Variants in DLC1 observed in about 807,000 individuals in gnomAD.
The protein encoded by DLC1 is rho GTPase-activating protein 7.
Under a neutral mutation model 140.3 loss-of-function variants are expected in DLC1, and 54 were observed. The ratio of observed to expected loss-of-function variants is 0.38; its 90% confidence interval spans 0.31 to 0.48. The LOEUF is 0.48. DLC1 is among the 20% of genes least tolerant of loss of function. The probability of loss-of-function intolerance (pLI) is 0.96; values close to 1 mark genes in which losing one functional copy is unlikely to be tolerated. For synonymous variants in DLC1, 986 were observed against 728.1 expected, an observed-to-expected ratio of 1.35 and a Z score of -5.70; for missense variants, 2,536 against 1,907.0, an observed-to-expected ratio of 1.33 and a Z score of -6.14.
chr8:13,551,881 T>G (rs968572677), intron 1 of DLC1, among the ~76,000 whole-genome samples: 5 of 123,808 alleles, frequency 4.0e-5, no homozygotes, highest in African/African-American at 8.6e-5. Context: ...TATATATATA[T>G]AGACAGGTAT....
At chr8:13,103,162 C>A (rs1819244669) in intron 7 of DLC1, among the ~76,000 whole-genome samples, 2 of 151,540 alleles carry the variant, frequency 1.3e-5, no homozygotes, top group South Asian at 2.1e-4. Context: ...TACAAAAAAA[C>A]AAGCCGGGCC....
intron 2 of DLC1, among the ~76,000 whole-genome samples, chr8:13,456,563 A>G (rs998472795): frequency 6.6e-6 from 1 of 152,032 alleles, no homozygotes; most frequent in African/African-American, 2.4e-5. Context: ...GGCTCAAGCA[A>G]TTCTCCTGCC....
At chr8:13,161,070 G>A (rs1824657025) in intron 5 of DLC1, among the ~76,000 whole-genome samples, 1 of 152,204 alleles carries the variant, frequency 6.6e-6, no homozygotes, top group Non-Finnish European at 1.5e-5. Context: ...GACAGAGCGA[G>A]ACTCCGTCTC....
At chr8:13,244,707 C>T (rs1829687435) in intron 5 of DLC1, among the ~76,000 whole-genome samples, 1 of 152,150 alleles carries the variant, frequency 6.6e-6, no homozygotes, top group South Asian at 2.1e-4. Context: ...TACGTTTCTT[C>T]ATCTGATGGA....
intron 5 of DLC1, among the ~76,000 whole-genome samples, chr8:13,272,860 C>T (rs1194339788): frequency 1.3e-5 from 2 of 152,110 alleles, no homozygotes; most frequent in African/African-American, 2.4e-5. Flanking sequence ...GGTGACAGAG[C>T]GAGACTCCGT....
chr8:13,304,602 T>C (rs1563238934), intron 5 of DLC1: 2 of 800,382 alleles, frequency 2.5e-6, no homozygotes, highest in Non-Finnish European at 3.0e-6. Flanking sequence ...AACTAAGTGA[T>C]GTACTTCAAG....
intron 4 of DLC1, among the ~76,000 whole-genome samples, chr8:13,330,641 TC>T (rs1833546260): frequency 2.0e-5 from 3 of 152,334 alleles, no homozygotes. Flanking sequence ...AGCTGTGGTC[TC>T]TGCATCATGT....
chr8:13,234,184 A>G (rs937960586), intron 5 of DLC1, among the ~76,000 whole-genome samples: 1 of 152,154 alleles, frequency 6.6e-6, no homozygotes, highest in Non-Finnish European at 1.5e-5. Flanking sequence ...AATTTAGGAA[A>G]TACAGGGAAA....
At chr8:13,228,891 C>T (rs1828921768) in intron 5 of DLC1, among the ~76,000 whole-genome samples, 4 of 152,182 alleles carry the variant, frequency 2.6e-5, no homozygotes, top group Non-Finnish European at 4.4e-5. Flanking sequence ...AAACAGATGC[C>T]ACTTGACACC....
At chr8:13,320,243 A>T (rs1482371747) in intron 4 of DLC1, among the ~76,000 whole-genome samples, 1 of 152,112 alleles carries the variant, frequency 6.6e-6, no homozygotes, top group African/African-American at 2.4e-5. Context: ...CTGCTTTATT[A>T]TCTTAAATTT....
rs543114869 is a variant in DLC1 at position 13,567,969 on chromosome 8, G to T, written c.-126+36568C>A. The T allele has an allele frequency of 1.2e-5, 18 of 1,513,252 alleles. 2 individuals are homozygous for T. The South Asian group carries it at 1.7e-4, about 14-fold the overall frequency. 93.7% of individuals were successfully genotyped at this position (1,513,252 alleles called of 1,614,324 possible). On this transcript the variant is annotated intron_variant, in intron 1 of 1. Coordinates refer to the DLC1 transcript ENST00000631382. The stretch of plus-strand genomic sequence containing the variant: ...ATGTGTAATGTGGATAGATGTCTTT[G>T]TTGTGTATTTGAGTAATTACCATAA...
intron 4 of DLC1, among the ~76,000 whole-genome samples, chr8:13,354,940 G>A (rs1341832528): frequency 2.3e-5 from 3 of 132,702 alleles, no homozygotes; most frequent in Non-Finnish European, 4.7e-5. Context: ...ATGACAGAGT[G>A]AGACACTGGC....
At chr8:13,170,759 A>G (rs922856537) in intron 5 of DLC1, among the ~76,000 whole-genome samples, 8 of 151,102 alleles carry the variant, frequency 5.3e-5, no homozygotes, top group Non-Finnish European at 7.4e-5. Context: ...AAGTTTCTGT[A>G]TAATGTGTGT....
At chr8:13,349,467 C>G (rs1295576290) in intron 4 of DLC1, among the ~76,000 whole-genome samples, 4 of 152,170 alleles carry the variant, frequency 2.6e-5, no homozygotes, top group African/African-American at 4.8e-5. Context: ...AGAAGTAACA[C>G]AAACCTTTCA....
At chr8:13,485,965 C>A (rs1474094628) in intron 2 of DLC1, among the ~76,000 whole-genome samples, 1 of 152,208 alleles carries the variant, frequency 6.6e-6, no homozygotes, top group Non-Finnish European at 1.5e-5. Flanking sequence ...CGCTAGCTAA[C>A]TTCCTTTATC....
intron 1 of DLC1, among the ~76,000 whole-genome samples, chr8:13,578,075 C>T (rs529587038): frequency 2.5e-4 from 38 of 151,992 alleles, no homozygotes; most frequent in African/African-American, 8.9e-4. Context: ...AATTAGGTTG[C>T]ATTTCTCTGT....
intron 13 of DLC1, among the ~76,000 whole-genome samples, 181 bp downstream of exon 13, chr8:13,092,431 C>T (rs1818150730): frequency 6.6e-6 from 1 of 152,304 alleles, no homozygotes; most frequent in East Asian, 1.9e-4. Flanking sequence ...ACTATTTTCT[C>T]ATGCACGCCA....
chr8:13,187,095 C>T (rs1259226878), intron 5 of DLC1, among the ~76,000 whole-genome samples: 1 of 152,140 alleles, frequency 6.6e-6, no homozygotes, highest in African/African-American at 2.4e-5. Flanking sequence ...GATCAGGTGG[C>T]CGTATTTCAA....
At chr8:13,278,163 A>T (rs1831242595) in intron 5 of DLC1, among the ~76,000 whole-genome samples, 1 of 152,234 alleles carries the variant, frequency 6.6e-6, no homozygotes, top group Non-Finnish European at 1.5e-5. Context: ...CTGGACACAG[A>T]TTAGGAGAGA....
Sources: allele counts gnomAD v4.1 joint callset (sites outside exome capture counted in the v4.1 genomes callset), GRCh38; gene constraint gnomAD v4.1.1; transcripts MANE v1.5; gene names NCBI Gene and HGNC (gene_info 2026-07-23, HGNC 2026-07-21).